ANKDD1B: variants seen among roughly 807,000 people sequenced by gnomAD.
ANKDD1B encodes ankyrin repeat and death domain containing 1B.
Under a neutral mutation model 59.7 loss-of-function variants are expected in ANKDD1B, and 57 were observed. The ratio of observed to expected loss-of-function variants is 0.95; its 90% confidence interval spans 0.77 to 1.19. The LOEUF is 1.19. Among genes scored for constraint, ANKDD1B ranks in the 50% most tolerant of loss-of-function variants. ANKDD1B has a pLI of 0.00. For missense variants in ANKDD1B, 602 were observed against 641.9 expected (o/e 0.94, Z 0.67); for synonymous variants, 216 against 239.5 (o/e 0.90, Z 0.91).
intron 5 of ANKDD1B, among the ~76,000 whole-genome samples, chr5:75,630,913 A>G (rs1774135456): frequency 6.6e-6 from 1 of 152,202 alleles, no homozygotes; most frequent in Non-Finnish European, 1.5e-5. Context: ...ATGGATTTCA[A>G]TCCATAAGAA....
Position 75,611,811 on chromosome 5 carries a change from T to C in ANKDD1B, c.177T>C (p.Val59=), listed in dbSNP as rs1773565952. ...GTCTTGGAGAGGAGGACACAGCAGT[T>C]GCCGGACACGAGCTCCGTGAGTCCC... ...REGLGEEDTA[V]AGHELLLPNE... The change falls in exon 1 of 14, where the codon GTT becomes GTC. Residue 59 remains valine (V), a synonymous_variant. Coordinates refer to ENST00000601380, the MANE Select transcript of ANKDD1B (RefSeq NM_001276713.2). The C allele has an allele frequency of 1.6e-6, 2 of 1,231,862 alleles. No homozygotes were observed. The highest frequency in any genetic ancestry group is 2.0e-6 in the Non-Finnish European group (2 of 988,110). 76.3% of individuals were successfully genotyped at this position (1,231,862 alleles called of 1,614,324 possible). A position where few individuals can be genotyped will look rare whatever the true frequency, so the allele number is the denominator to read the frequency against.
intron 5 of ANKDD1B, among the ~76,000 whole-genome samples, chr5:75,628,684 G>A (rs1774060496): frequency 6.6e-6 from 1 of 152,176 alleles, no homozygotes; most frequent in Non-Finnish European, 1.5e-5. Flanking sequence ...CCTGGAAGGA[G>A]GCCCTTAAAA....
At chr5:75,632,390 C>T (rs1219880275) in intron 5 of ANKDD1B, among the ~76,000 whole-genome samples, 1 of 152,184 alleles carries the variant, frequency 6.6e-6, no homozygotes, top group Non-Finnish European at 1.5e-5. Flanking sequence ...TGACTTCATT[C>T]TTAGGCAGGG....
chr5:75,653,735 G>A (rs1774889538), intron 8 of ANKDD1B, among the ~76,000 whole-genome samples: 1 of 152,188 alleles, frequency 6.6e-6, no homozygotes. Flanking sequence ...CAAGAAACAT[G>A]CCTCTATTTT....
chr5:75,620,195 T>G (rs1379783679), intron 2 of ANKDD1B, 120 bp from the exon 3 acceptor site: 1 of 576,386 alleles, frequency 1.7e-6, no homozygotes, highest in Non-Finnish European at 3.1e-6. Flanking sequence ...AGGCAAAGAG[T>G]GGAGCCAAAC....
chr5:75,648,273 A>AAAAAAAATT (rs1329320192), intron 7 of ANKDD1B, among the ~76,000 whole-genome samples: 32 of 137,820 alleles, frequency 2.3e-4, no homozygotes, highest in Non-Finnish European at 3.6e-4. Flanking sequence ...AAATTAAAAA[A>AAAAAAAATT]AAAAAAAAAA....
At chr5:75,668,423 G>C (rs906511720) in intron 12 of ANKDD1B, among the ~76,000 whole-genome samples, 1 of 152,186 alleles carries the variant, frequency 6.6e-6, no homozygotes, top group African/African-American at 2.4e-5. Context: ...TTTGTCAAGA[G>C]CAAGATTAGG....
intron 7 of ANKDD1B, among the ~76,000 whole-genome samples, chr5:75,643,663 A>G (rs1290106237): frequency 2.4e-5 from 1 of 41,894 alleles, no homozygotes; most frequent in Non-Finnish European, 3.9e-5. Flanking sequence ...ACCAAGTTGG[A>G]AAACACTCTG....
intron 1 of ANKDD1B, among the ~76,000 whole-genome samples, chr5:75,615,098 A>G (rs1480301610): frequency 1.3e-5 from 2 of 152,230 alleles, no homozygotes; most frequent in Non-Finnish European, 2.9e-5. Flanking sequence ...AAGTAAGGAC[A>G]TAGAGATGAA....
chr5:75,636,843 G>A (rs1774317193), intron 7 of ANKDD1B, among the ~76,000 whole-genome samples: 1 of 152,104 alleles, frequency 6.6e-6, no homozygotes, highest in Non-Finnish European at 1.5e-5. Flanking sequence ...GCTGTTGTTG[G>A]GGAGTACAGT....
At chr5:75,633,166 T>C (rs1581137842) in intron 5 of ANKDD1B, among the ~76,000 whole-genome samples, 1 of 152,198 alleles carries the variant, frequency 6.6e-6, no homozygotes, top group East Asian at 1.9e-4. Context: ...CAGAAAACTG[T>C]GGTTCCAAGC....
Position 75,635,114 on chromosome 5 carries a change from A to G in ANKDD1B, c.699+118A>G, listed in dbSNP as rs967750645. On this transcript the variant is annotated intron_variant, in intron 6 of 13. Coordinates refer to ENST00000601380, the MANE Select transcript of ANKDD1B (RefSeq NM_001276713.2). ...GGGCGTTTTAGTCAGCAGGAGAGTTAAATTGCTACTGTACTCAGAGAGAAT... is the reference window on the plus strand; with the variant it reads ...GGGCGTTTTAGTCAGCAGGAGAGTTGAATTGCTACTGTACTCAGAGAGAAT... 39 of 642,532 alleles carry G rather than the reference A, an allele frequency of 6.1e-5. No homozygotes were observed. In the East Asian group the frequency reaches 1.0e-3, roughly 17 times the overall value. The allele number at this position is 642,532 out of a possible 1,614,324, so 39.8% of individuals were successfully genotyped here. A position where few individuals can be genotyped will look rare whatever the true frequency, so the allele number is the denominator to read the frequency against.
chr5:75,617,720 T>A (rs1773749152), intron 2 of ANKDD1B, among the ~76,000 whole-genome samples: 3 of 152,258 alleles, frequency 2.0e-5, no homozygotes, highest in African/African-American at 2.4e-5. Context: ...TATGACTATA[T>A]GATTTTGTAA....
intron 5 of ANKDD1B, among the ~76,000 whole-genome samples, chr5:75,627,186 C>T (rs1330208077): frequency 1.3e-5 from 2 of 152,190 alleles, no homozygotes; most frequent in Non-Finnish European, 2.9e-5. Context: ...GCAAGCTCTT[C>T]AATTTCTGAA....
At chr5:75,627,730 T>C (rs1346301015) in intron 5 of ANKDD1B, among the ~76,000 whole-genome samples, 2 of 152,186 alleles carry the variant, frequency 1.3e-5, no homozygotes. Context: ...CACACAGTTA[T>C]TTTCCCCTTC....
At chr5:75,628,281 C>T (rs565909746) in intron 5 of ANKDD1B, among the ~76,000 whole-genome samples, 18 of 152,156 alleles carry the variant, frequency 1.2e-4, no homozygotes, top group South Asian at 4.2e-4. Flanking sequence ...AGATGAAAAG[C>T]GTTATGGAGA....
intron 8 of ANKDD1B, among the ~76,000 whole-genome samples, chr5:75,654,263 A>C (rs1205043021): frequency 6.6e-6 from 1 of 151,900 alleles, no homozygotes; most frequent in Non-Finnish European, 1.5e-5. Flanking sequence ...ATCTACCCCC[A>C]TCTCCTGAGA....
At chr5:75,630,571 A>C (rs769741784) in intron 5 of ANKDD1B, among the ~76,000 whole-genome samples, 1 of 152,260 alleles carries the variant, frequency 6.6e-6, no homozygotes, top group Non-Finnish European at 1.5e-5. Context: ...TCTATGCAGT[A>C]ATGCAAAGCT....
At chr5:75,614,799 T>C (rs758985328) in intron 1 of ANKDD1B, among the ~76,000 whole-genome samples, 5 of 152,234 alleles carry the variant, frequency 3.3e-5, no homozygotes, top group African/African-American at 4.8e-5. Context: ...TACTACAGTA[T>C]GGCTGTGTGT....
Sources: allele counts gnomAD v4.1 joint callset (sites outside exome capture counted in the v4.1 genomes callset), GRCh38; gene constraint gnomAD v4.1.1; transcripts MANE v1.5; gene names NCBI Gene and HGNC (gene_info 2026-07-23, HGNC 2026-07-21).